Variants in PTPRD observed in about 807,000 individuals in gnomAD.
PTPRD encodes protein tyrosine phosphatase receptor type D.
Under a neutral mutation model 214.5 loss-of-function variants are expected in PTPRD, and 34 were observed. The observed-to-expected ratio is 0.16, with a 90% confidence interval of 0.12 to 0.21. PTPRD has a LOEUF of 0.21. Ranked by LOEUF, PTPRD falls within the 10% of genes least tolerant of loss-of-function variation. The pLI, the probability that PTPRD is intolerant of heterozygous loss-of-function variation, is 1.00. For synonymous variants in PTPRD, 1,128 were observed against 845.7 expected, an observed-to-expected ratio of 1.33 and a Z score of -5.79; for missense variants, 2,545 against 2,398.7, an observed-to-expected ratio of 1.06 and a Z score of -1.27.
In PTPRD at chr9:8,486,057, T is replaced by C. The variant is rs749558749; in HGVS notation, c.2760A>G (p.Gly920=). The change falls in exon 28 of 46, where the codon GGA becomes GGG. Residue 920 remains glycine (G), a synonymous_variant. Coordinates refer to ENST00000381196, the MANE Select transcript of PTPRD (RefSeq NM_002839.4). ...EISIPEEVPT[G]FPQNLHSEGT... ...CTTCTGAGTGAAGGTTTTGAGGGAA[T>C]CCAGTTGGTACTTCTTCTGGAATGG... is the stretch of plus-strand genomic sequence containing the variant. 1 of 1,614,056 alleles carries C rather than the reference T, an allele frequency of 6.2e-7. No homozygotes were observed. The highest frequency in any genetic ancestry group is 1.7e-5 in the Admixed American group (1 of 60,008).
At chr9:8,637,329 G>T (rs964316033) in intron 12 of PTPRD, among the ~76,000 whole-genome samples, 1 of 152,074 alleles carries the variant, frequency 6.6e-6, no homozygotes, top group East Asian at 1.9e-4. Context: ...AAGAAATATC[G>T]CCCTGAATTA....
chr9:10,185,208 C>G (rs2099324236), intron 3 of PTPRD, among the ~76,000 whole-genome samples: 1 of 152,206 alleles, frequency 6.6e-6, no homozygotes, highest in South Asian at 2.1e-4. Flanking sequence ...TTTGTGAACT[C>G]TGATTTACTA....
At chr9:8,462,537 C>A (rs369326332) in intron 32 of PTPRD, among the ~76,000 whole-genome samples, 1 of 151,962 alleles carries the variant, frequency 6.6e-6, no homozygotes, top group East Asian at 1.9e-4. Context: ...TTACTTTAAA[C>A]TTGCTTACGA....
intron 2 of PTPRD, among the ~76,000 whole-genome samples, chr9:10,507,114 T>C (rs2046259885): frequency 6.6e-6 from 1 of 152,162 alleles, no homozygotes; most frequent in Admixed American, 6.5e-5. Flanking sequence ...GGATAAAAAA[T>C]CAATGTGCAA....
chr9:9,520,539 C>T (rs1360980241), intron 8 of PTPRD, among the ~76,000 whole-genome samples: 3 of 152,010 alleles, frequency 2.0e-5, no homozygotes, highest in Admixed American at 6.6e-5. Context: ...TTTTTCTACT[C>T]AGCTGTTTAA....
chr9:9,359,258 T>C (rs1452874319), intron 9 of PTPRD, among the ~76,000 whole-genome samples: 1 of 151,332 alleles, frequency 6.6e-6, no homozygotes, highest in African/African-American at 2.4e-5. Flanking sequence ...TCATTTAAGC[T>C]GCATTAGTCT....
chr9:9,447,203 G>C (rs2090719360), intron 8 of PTPRD, among the ~76,000 whole-genome samples: 1 of 152,090 alleles, frequency 6.6e-6, no homozygotes, highest in Non-Finnish European at 1.5e-5. Flanking sequence ...CTATCATAAT[G>C]ACACATGCAC....
chr9:9,912,600 T>C (rs1430570133), intron 5 of PTPRD, among the ~76,000 whole-genome samples: 2 of 152,186 alleles, frequency 1.3e-5, no homozygotes, highest in African/African-American at 2.4e-5. Context: ...AATGGTATCG[T>C]TGGCAATCAG....
chr9:10,567,657 A>G (rs1302570907), intron 2 of PTPRD, among the ~76,000 whole-genome samples: 1 of 152,042 alleles, frequency 6.6e-6, no homozygotes, highest in Non-Finnish European at 1.5e-5. Flanking sequence ...ACTCTCTGTA[A>G]CAGTAAATAC....
At chr9:9,628,141 A>G (rs1026032712) in intron 7 of PTPRD, among the ~76,000 whole-genome samples, 5 of 152,244 alleles carry the variant, frequency 3.3e-5, no homozygotes, top group Admixed American at 2.6e-4. Flanking sequence ...TCTCATTATG[A>G]TACTGTATAA....
At chr9:10,201,290 G>C (rs1277183787) in intron 3 of PTPRD, among the ~76,000 whole-genome samples, 1 of 151,870 alleles carries the variant, frequency 6.6e-6, no homozygotes, top group East Asian at 1.9e-4. Flanking sequence ...TCACTTAAAA[G>C]AAATATGTAC....
chr9:9,330,294 TA>T (rs1214472195), intron 9 of PTPRD, among the ~76,000 whole-genome samples: 1 of 151,848 alleles, frequency 6.6e-6, no homozygotes, highest in African/African-American at 2.4e-5. Flanking sequence ...GACTTTCCTT[TA>T]AAAAAAAGTT....
chr9:8,645,366 TTTTAC>T (rs1228486154), intron 12 of PTPRD, among the ~76,000 whole-genome samples: 2 of 152,230 alleles, frequency 1.3e-5, no homozygotes, highest in Non-Finnish European at 2.9e-5. Flanking sequence ...TTTGGTATTA[TTTTAC>T]TTATACATTC....
intron 35 of PTPRD, among the ~76,000 whole-genome samples, chr9:8,415,761 A>G (rs2093889187): frequency 6.6e-6 from 1 of 152,130 alleles, no homozygotes; most frequent in African/African-American, 2.4e-5. Flanking sequence ...AGGGAGGACG[A>G]TGACCATGAA....
chr9:9,300,437 G>A (rs1490839357), intron 9 of PTPRD, among the ~76,000 whole-genome samples: 2 of 151,660 alleles, frequency 1.3e-5, no homozygotes, highest in Non-Finnish European at 2.9e-5. Context: ...TATGATCTCT[G>A]TCTAAACGTC....
Position 8,917,768 on chromosome 9 carries a change from G to C in PTPRD, c.-104+100929C>G, listed in dbSNP as rs183216921. 7.9e-4 allele frequency among the ~76,000 whole-genome samples: 120 copies of C among 152,200 alleles called. 1 individual carries two copies. Among genetic ancestry groups the C allele is most frequent in the African/African-American group, 2.6e-3 (108 of 41,540 alleles). On this transcript the variant is annotated intron_variant, in intron 11 of 45. Coordinates refer to ENST00000381196, the MANE Select transcript of PTPRD (RefSeq NM_002839.4). Reference sequence around the variant, plus strand: ...AAATGTGTTGCACTGCTTTATTCCAGAACATAATTAAATGGAACATTTGCT... The same window carrying C: ...AAATGTGTTGCACTGCTTTATTCCACAACATAATTAAATGGAACATTTGCT...
At chr9:8,955,581 T>G (rs1046167409) in intron 11 of PTPRD, among the ~76,000 whole-genome samples, 1 of 151,892 alleles carries the variant, frequency 6.6e-6, no homozygotes, top group Admixed American at 6.6e-5. Context: ...TTTCACAGAA[T>G]GAGGCTTCCT....
At chr9:9,299,466 G>T (rs1954421464) in intron 9 of PTPRD, among the ~76,000 whole-genome samples, 1 of 151,646 alleles carries the variant, frequency 6.6e-6, no homozygotes, top group South Asian at 2.1e-4. Flanking sequence ...CAATGGTGCT[G>T]GCTAGTGAGA....
chr9:9,129,599 G>A (rs1321977936), intron 10 of PTPRD, among the ~76,000 whole-genome samples: 2 of 152,048 alleles, frequency 1.3e-5, no homozygotes, highest in African/African-American at 4.8e-5. Flanking sequence ...ATCACTATAG[G>A]TAATATGCTA....
Sources: gnomAD v4.1 joint callset for allele counts (sites outside exome capture counted in the v4.1 genomes callset) on GRCh38, gnomAD v4.1.1 for gene constraint, MANE v1.5 for transcripts, NCBI Gene and HGNC (gene_info 2026-07-23, HGNC 2026-07-21) for gene names.